LHFPL3: variants seen among roughly 807,000 people sequenced by gnomAD.
LHFPL3 encodes the protein LHFPL tetraspan subfamily member 3 protein.
LHFPL3 carries 5 observed loss-of-function variants against 19.3 expected under a neutral mutation model. That is an observed-to-expected ratio of 0.26 (90% CI 0.14 to 0.54). The LOEUF (loss-of-function observed/expected upper bound fraction) is 0.54. LHFPL3 is among the 20% of genes least tolerant of loss of function. The probability of loss-of-function intolerance (pLI) is 0.94; values close to 1 mark genes in which losing one functional copy is unlikely to be tolerated. For missense variants in LHFPL3, 249 were observed against 307.4 expected (o/e 0.81, Z 1.42); for synonymous variants, 133 against 126.2 (o/e 1.05, Z -0.36).
At chr7:104,504,849 G>A (rs1793666152) in intron 1 of LHFPL3, among the ~76,000 whole-genome samples, 1 of 152,100 alleles carries the variant, frequency 6.6e-6, no homozygotes, top group South Asian at 2.1e-4. Flanking sequence ...AATATAATTG[G>A]TTCAGCTTGC....
chr7:104,721,105 A>T (rs987778755), intron 1 of LHFPL3, among the ~76,000 whole-genome samples: 1 of 152,236 alleles, frequency 6.6e-6, no homozygotes, highest in Non-Finnish European at 1.5e-5. Flanking sequence ...TTATTGTGGC[A>T]CTATTCACAA....
At chr7:104,714,091 A>G (rs1793343124) in intron 1 of LHFPL3, among the ~76,000 whole-genome samples, 1 of 152,204 alleles carries the variant, frequency 6.6e-6, no homozygotes, top group Non-Finnish European at 1.5e-5. Flanking sequence ...TTTTATTTAT[A>G]AACTTTTAGC....
intron 1 of LHFPL3, among the ~76,000 whole-genome samples, chr7:104,534,867 A>C (rs1858778): frequency 4.6e-5 from 7 of 151,910 alleles, no homozygotes; most frequent in Admixed American, 4.6e-4. Context: ...TATATTTCTT[A>C]AATTGTAGTA....
At chr7:104,510,866 A>G (rs966869044) in intron 1 of LHFPL3, among the ~76,000 whole-genome samples, 2 of 152,186 alleles carry the variant, frequency 1.3e-5, no homozygotes, top group African/African-American at 4.8e-5. Context: ...ACATGGACAC[A>G]TAGAGCAGAA....
chr7:104,707,020 G>C (rs958021591), intron 1 of LHFPL3, among the ~76,000 whole-genome samples: 2 of 152,142 alleles, frequency 1.3e-5, no homozygotes, highest in African/African-American at 4.8e-5. Context: ...ACAAAAAGAA[G>C]CCTTAGATCT....
intron 2 of LHFPL3, among the ~76,000 whole-genome samples, chr7:104,830,138 A>C (rs1481539286): frequency 6.6e-6 from 1 of 151,902 alleles, no homozygotes; most frequent in Admixed American, 6.6e-5. Context: ...TCTTTTGAGA[A>C]GTGTCTCTTC....
intron 1 of LHFPL3, among the ~76,000 whole-genome samples, chr7:104,531,569 G>A (rs538200686): frequency 6.6e-6 from 1 of 152,196 alleles, no homozygotes; most frequent in African/African-American, 2.4e-5. Flanking sequence ...TACAAAGAAA[G>A]CCCGGCCCAC....
intron 2 of LHFPL3, chr7:104,757,500 C>A (rs1332466130): frequency 1.3e-5 from 2 of 151,966 alleles, no homozygotes; most frequent in South Asian, 4.2e-4. Context: ...GGCACTTAAA[C>A]AACTCAACAA....
At chr7:104,436,777 T>C (rs1792115019) in intron 1 of LHFPL3, among the ~76,000 whole-genome samples, 1 of 152,220 alleles carries the variant, frequency 6.6e-6, no homozygotes, top group Non-Finnish European at 1.5e-5. Flanking sequence ...AGCTAGTAGA[T>C]TTCTGTTTCT....
At chr7:104,678,711 T>C (rs1389494073) in intron 1 of LHFPL3, among the ~76,000 whole-genome samples, 3 of 152,206 alleles carry the variant, frequency 2.0e-5, no homozygotes, top group African/African-American at 7.2e-5. Flanking sequence ...TAGATATAAT[T>C]GTATAGCCAT....
chr7:104,823,595 ATAT>A (rs1465524615), intron 2 of LHFPL3, among the ~76,000 whole-genome samples: 1 of 152,182 alleles, frequency 6.6e-6, no homozygotes, highest in Non-Finnish European at 1.5e-5. Flanking sequence ...CTTGAAATAG[ATAT>A]TATGCCATAA....
intron 1 of LHFPL3, among the ~76,000 whole-genome samples, chr7:104,609,329 C>T (rs1328730440): frequency 2.6e-5 from 4 of 151,914 alleles, no homozygotes; most frequent in African/African-American, 9.7e-5. Context: ...GGGATTTAAA[C>T]TCCTGTATTT....
At chr7:104,712,545 C>T (rs768896370) in intron 1 of LHFPL3, among the ~76,000 whole-genome samples, 3 of 152,100 alleles carry the variant, frequency 2.0e-5, no homozygotes, top group Non-Finnish European at 4.4e-5. Context: ...TGGGGGAGAA[C>T]ACTAACATAC....
At chr7:104,600,662 GAGTT>G (rs1790945357) in intron 1 of LHFPL3, among the ~76,000 whole-genome samples, 1 of 152,194 alleles carries the variant, frequency 6.6e-6, no homozygotes, top group African/African-American at 2.4e-5. Context: ...ACCAGAGACA[GAGTT>G]AGTCACTGAG....
rs529303609 is a variant in LHFPL3 at position 104,629,014 on chromosome 7, G to A, written c.446-107661G>A. Among the ~76,000 whole-genome samples the A allele has an allele frequency of 2.0e-5, 3 of 152,190 alleles. No individual in the cohort carries two copies. The South Asian group carries it at 6.2e-4, about 32-fold the overall frequency. ...ATTTGCCTAAATGTCTGAAAATATT[G>A]CTAAAAAAATACCATGTTGCTTTCT... On this transcript the variant is annotated intron_variant, in intron 1 of 2. Transcript: ENST00000424859.
At chr7:104,332,617 T>A (rs1463023209) in intron 1 of LHFPL3, among the ~76,000 whole-genome samples, 3 of 152,216 alleles carry the variant, frequency 2.0e-5, no homozygotes, top group Non-Finnish European at 4.4e-5. Context: ...TTTATGATTC[T>A]GAACGATGAA....
intron 1 of LHFPL3, among the ~76,000 whole-genome samples, chr7:104,707,802 AAGG>A (rs1294595844): frequency 1.3e-5 from 2 of 152,202 alleles, no homozygotes; most frequent in African/African-American, 4.8e-5. Context: ...CCAGTGCAGG[AAGG>A]AGGATGCATT....
At chr7:104,335,611 G>T (rs1789789814) in intron 1 of LHFPL3, among the ~76,000 whole-genome samples, 1 of 151,962 alleles carries the variant, frequency 6.6e-6, no homozygotes, top group Non-Finnish European at 1.5e-5. Context: ...TTTTCTTGGT[G>T]CAAGGCTGCA....
intron 1 of LHFPL3, among the ~76,000 whole-genome samples, chr7:104,618,573 A>G (rs1206234817): frequency 1.3e-5 from 2 of 151,994 alleles, no homozygotes; most frequent in Non-Finnish European, 2.9e-5. Flanking sequence ...ACATTGTTTG[A>G]TCATGTTAGC....
Sources: allele counts gnomAD v4.1 joint callset (sites outside exome capture counted in the v4.1 genomes callset), GRCh38; gene constraint gnomAD v4.1.1; transcripts MANE v1.5; gene names NCBI Gene and HGNC (gene_info 2026-07-23, HGNC 2026-07-21).